The following LRRC4C variants were observed in gnomAD, a reference collection of about 807,000 sequenced individuals.
LRRC4C encodes the protein leucine-rich repeat-containing protein 4C.
LRRC4C carries 5 observed loss-of-function variants against 33.6 expected under a neutral mutation model. The ratio of observed to expected loss-of-function variants is 0.15; its 90% CI spans 0.08 to 0.31. The LOEUF is 0.31. LRRC4C is among the 10% of genes least tolerant of loss of function. The pLI is 1.00. For synonymous variants in LRRC4C, 329 were observed against 302.0 expected (o/e 1.09, Z -0.93); for missense variants, 560 against 796.7 (o/e 0.70, Z 3.58).
intron 3 of LRRC4C, among the ~76,000 whole-genome samples, chr11:40,360,740 C>A (rs1355295677): frequency 6.6e-6 from 1 of 152,150 alleles, no homozygotes; most frequent in Non-Finnish European, 1.5e-5. Context: ...TCCTCCCTAA[C>A]TCATTCTATA....
intron 1 of LRRC4C, among the ~76,000 whole-genome samples, chr11:41,234,900 T>C (rs1947951567): frequency 6.6e-6 from 1 of 151,962 alleles, no homozygotes; most frequent in Admixed American, 6.6e-5. Context: ...AGAAGCATGG[T>C]TTTAATCACT....
At chr11:41,290,794 G>C (rs1470785430) in intron 1 of LRRC4C, among the ~76,000 whole-genome samples, 1 of 152,100 alleles carries the variant, frequency 6.6e-6, no homozygotes, top group South Asian at 2.1e-4. Flanking sequence ...TATGGAGAGA[G>C]ATTAAAACAA....
intron 2 of LRRC4C, among the ~76,000 whole-genome samples, chr11:40,894,995 A>T (rs2136137909): frequency 6.6e-6 from 1 of 152,270 alleles, no homozygotes; most frequent in East Asian, 1.9e-4. Context: ...TTTGTAAAGT[A>T]TAATGTTAAT....
chr11:40,267,276 A>G (rs1255268318), intron 4 of LRRC4C, among the ~76,000 whole-genome samples: 5 of 152,196 alleles, frequency 3.3e-5, no homozygotes, highest in Non-Finnish European at 7.3e-5. Context: ...GAATTACTGT[A>G]TGATATTAGT....
intron 3 of LRRC4C, among the ~76,000 whole-genome samples, chr11:40,437,738 T>C (rs1015162532): frequency 6.6e-6 from 1 of 152,000 alleles, no homozygotes; most frequent in African/African-American, 2.4e-5. Context: ...AGATGGAGTA[T>C]TGCTCTGTTG....
intron 1 of LRRC4C, among the ~76,000 whole-genome samples, chr11:41,112,444 T>A (rs1179521552): frequency 3.9e-5 from 6 of 152,072 alleles, no homozygotes; most frequent in African/African-American, 1.4e-4. Context: ...CATGGGGTTG[T>A]TTGCAGGAAG....
chr11:41,014,362 T>C (rs978875270), intron 1 of LRRC4C, among the ~76,000 whole-genome samples: 1 of 152,108 alleles, frequency 6.6e-6, no homozygotes, highest in Non-Finnish European at 1.5e-5. Flanking sequence ...CAGGTCTAGT[T>C]GCCTCCAAAG....
intron 1 of LRRC4C, among the ~76,000 whole-genome samples, chr11:41,106,618 G>A (rs562024742): frequency 6.6e-6 from 1 of 152,196 alleles, no homozygotes; most frequent in East Asian, 1.9e-4. Flanking sequence ...GCTTTCAGTA[G>A]TTATTTGGCT....
intron 1 of LRRC4C, among the ~76,000 whole-genome samples, chr11:41,131,644 C>A (rs1214996182): frequency 6.6e-6 from 1 of 152,004 alleles, no homozygotes; most frequent in Non-Finnish European, 1.5e-5. Context: ...GCTGCATTCC[C>A]AGGAGGTTAG....
At chr11:41,008,104 C>A (rs1788631925) in intron 1 of LRRC4C, among the ~76,000 whole-genome samples, 1 of 152,082 alleles carries the variant, frequency 6.6e-6, no homozygotes, top group South Asian at 2.1e-4. Context: ...CTAAGAGTAG[C>A]CCACTTGAGT....
chr11:40,840,011 G>T (rs1952843878), intron 2 of LRRC4C, among the ~76,000 whole-genome samples: 1 of 152,014 alleles, frequency 6.6e-6, no homozygotes. Context: ...CTCTATTTCA[G>T]AAAATGGAAA....
chr11:40,813,947 G>GACAGATCC (rs1951598602), intron 2 of LRRC4C, among the ~76,000 whole-genome samples: 2 of 152,148 alleles, frequency 1.3e-5, no homozygotes, highest in South Asian at 4.1e-4. Flanking sequence ...CATGACTTTG[G>GACAGATCC]ACAGATCCAC....
At chr11:41,066,146 A>T (rs1305082153) in intron 1 of LRRC4C, among the ~76,000 whole-genome samples, 1 of 152,198 alleles carries the variant, frequency 6.6e-6, no homozygotes, top group Non-Finnish European at 1.5e-5. Context: ...TTCTAACCCA[A>T]TGCAAAGAAG....
intron 1 of LRRC4C, among the ~76,000 whole-genome samples, chr11:41,209,617 C>G (rs1326398145): frequency 6.7e-6 from 1 of 150,278 alleles, no homozygotes; most frequent in Non-Finnish European, 1.5e-5. Context: ...TGCACTCCAG[C>G]CTGGGCAACA....
At chr11:40,294,247 A>C (rs1044856040) in intron 4 of LRRC4C, 3 of 152,154 alleles carry the variant, frequency 2.0e-5, no homozygotes, top group South Asian at 2.1e-4. Context: ...GGAGCTTCAG[A>C]GATGTGGCTC....
intron 2 of LRRC4C, among the ~76,000 whole-genome samples, chr11:40,813,220 T>C (rs2135402394): frequency 6.6e-6 from 1 of 152,318 alleles, no homozygotes; most frequent in African/African-American, 2.4e-5. Flanking sequence ...GTTCTCATGC[T>C]GCTAATAAAG....
chr11:40,513,565 C>G (rs577298655), intron 3 of LRRC4C, among the ~76,000 whole-genome samples: 14 of 152,174 alleles, frequency 9.2e-5, no homozygotes, highest in Middle Eastern at 3.4e-3. Flanking sequence ...CCTCTTAGAG[C>G]AATGGGAAGC....
Position 40,500,503 on chromosome 11 carries a change from C to T in LRRC4C, c.-270+147639G>A, listed in dbSNP as rs995460692. Among the ~76,000 whole-genome samples, 6 of 151,892 alleles carry T rather than the reference C, an allele frequency of 4.0e-5. 1 individual carries two copies. The highest frequency in any genetic ancestry group is 1.4e-4 in the African/African-American group (6 of 41,420). On this transcript the variant is annotated intron_variant, in intron 3 of 6. Coordinates refer to ENST00000528697, the MANE Select transcript of LRRC4C (RefSeq NM_001258419.2). ...TTAATGGTGTCACAGTTCCACGTGG[C>T]TCAGGAGGCCTCACAATCATGGTGG...
At chr11:41,322,736 T>C (rs1485908223) in intron 1 of LRRC4C, among the ~76,000 whole-genome samples, 2 of 152,162 alleles carry the variant, frequency 1.3e-5, no homozygotes, top group African/African-American at 4.8e-5. Context: ...AGTTACCTAT[T>C]CAGCGTAAGT....
Sources: allele counts gnomAD v4.1 joint callset (sites outside exome capture counted in the v4.1 genomes callset), GRCh38; gene constraint gnomAD v4.1.1; transcripts MANE v1.5; gene names NCBI Gene and HGNC (gene_info 2026-07-23, HGNC 2026-07-21).